Variants in TMX3 observed in about 807,000 individuals in gnomAD.
TMX3 encodes the protein protein disulfide-isomerase TMX3.
Under a neutral mutation model 64.4 loss-of-function variants are expected in TMX3, and 40 were observed. The observed-to-expected ratio is 0.62, with a 90% CI of 0.48 to 0.81. The LOEUF (loss-of-function observed/expected upper bound fraction) is 0.81, where lower values mean the gene tolerates loss of function less well. Among genes scored for constraint, TMX3 ranks in the 30% least tolerant of loss-of-function variants. TMX3 has a pLI of 0.00. For synonymous variants in TMX3, 189 were observed against 175.7 expected (o/e 1.08, Z -0.60); for missense variants, 497 against 534.5 (o/e 0.93, Z 0.69).
intron 8 of TMX3, among the ~76,000 whole-genome samples, chr18:68,696,776 CTTTAA>C (rs1915118350): frequency 1.3e-5 from 2 of 152,034 alleles, no homozygotes; most frequent in Admixed American, 1.3e-4. Context: ...TGCGCCTGGC[CTTTAA>C]TTTGTTTTTT....
Position 68,677,638 on chromosome 18 carries a change from T to TGG in TMX3, c.1105-446_1105-445insCC, listed in dbSNP as rs1472106541. Among the ~76,000 whole-genome samples the TGG allele has an allele frequency of 6.6e-5, 10 of 152,296 alleles. No homozygotes were observed. In the East Asian group the frequency reaches 9.7e-4, roughly 15 times the overall value. ...ACATGACATTTTTAATATTTTTTAC[T>TGG]TATCTGGTTAGTAGTAAAACTTCAT... On this transcript the variant is annotated intron_variant, in intron 15 of 15. Coordinates refer to ENST00000299608, the MANE Select transcript of TMX3 (RefSeq NM_019022.5).
chr18:68,714,860 C>T, intron 1 of TMX3, 76 bp downstream of exon 1: 2 of 1,540,464 alleles, frequency 1.3e-6, no homozygotes, highest in Non-Finnish European at 1.8e-6. Context: ...GCCCCAGACC[C>T]GGGTCCAATC....
chr18:68,679,539 A>C lies in TMX3; in HGVS notation c.1036-8T>G. The stretch of plus-strand genomic sequence containing the variant: ...GCTATCACCTCCTTGGGCCTTCAAA[A>C]AAGGAAAAGAAAAATAAATTATTTA... On this transcript the variant is annotated splice_polypyrimidine_tract_variant and splice_region_variant and intron_variant, in intron 14 of 15. Transcript: ENST00000299608. 1 of 1,606,914 alleles carries C rather than the reference A, an allele frequency of 6.2e-7. No individual in the cohort carries two copies.
At chr18:68,710,845 C>G (rs1414683407) in intron 3 of TMX3, among the ~76,000 whole-genome samples, 1 of 152,146 alleles carries the variant, frequency 6.6e-6, no homozygotes, top group African/African-American at 2.4e-5. Flanking sequence ...CTCTGCCATT[C>G]TTTTTCCATC....
intron 12 of TMX3, 116 bp downstream of exon 12, chr18:68,684,074 T>A: frequency 1.3e-6 from 1 of 785,334 alleles, no homozygotes; most frequent in East Asian, 2.5e-5. Flanking sequence ...TACTGTTATT[T>A]AACTTCATTT....
intron 4 of TMX3, among the ~76,000 whole-genome samples, chr18:68,702,892 A>G (rs1388898826): frequency 6.6e-6 from 1 of 152,330 alleles, no homozygotes; most frequent in East Asian, 1.9e-4. Context: ...TCTCCCTTAA[A>G]CATGGAGATA....
chr18:68,687,882 ATT>A (rs1382493589), intron 9 of TMX3, 117 bp from the exon 10 acceptor site: 4 of 655,564 alleles, frequency 6.1e-6, no homozygotes, highest in African/African-American at 3.8e-5. Flanking sequence ...TTCCATAAAT[ATT>A]GTTTTTAGGA....
At chr18:68,712,164 C>G (rs1355951379) in intron 2 of TMX3, among the ~76,000 whole-genome samples, 1 of 152,060 alleles carries the variant, frequency 6.6e-6, no homozygotes, top group Admixed American at 6.5e-5. Context: ...CAGTGTGGCC[C>G]AAGTCATTGG....
chr18:68,706,866 T>A, intron 4 of TMX3, among the ~76,000 whole-genome samples: 1 of 152,234 alleles, frequency 6.6e-6, no homozygotes, highest in East Asian at 1.9e-4. Flanking sequence ...AATACTTAAC[T>A]TCTTTAACAC....
intron 1 of TMX3, among the ~76,000 whole-genome samples, chr18:68,714,622 C>T (rs1429772809): frequency 6.6e-6 from 1 of 152,240 alleles, no homozygotes; most frequent in South Asian, 2.1e-4. Context: ...GGGACGGCGG[C>T]ATCCTTCTTG....
intron 13 of TMX3, chr18:68,681,605 AGAT>A (rs778765085): frequency 4.1e-6 from 4 of 985,450 alleles, no homozygotes; most frequent in Middle Eastern, 5.2e-4. Context: ...ATTTAGCTGA[AGAT>A]GATGAATGTT....
intron 15 of TMX3, 30 bp from the exon 16 acceptor site, chr18:68,677,223 C>T (rs765390970): frequency 1.3e-6 from 2 of 1,596,604 alleles, no homozygotes; most frequent in Non-Finnish European, 1.7e-6. Context: ...ACTCAGTTCC[C>T]TTCACATGTA....
Position 68,700,611 on chromosome 18 carries a change from G to T in TMX3, c.312-126C>A, listed in dbSNP as rs12959972. ...TAGTAAATGCAGAGAAGTTTTAGAAGTAGCTCTCATGTAAAATATGGTAGA... is the reference window on the plus strand; with the variant it reads ...TAGTAAATGCAGAGAAGTTTTAGAATTAGCTCTCATGTAAAATATGGTAGA... On this transcript the variant is annotated intron_variant, in intron 5 of 15. Transcript: ENST00000299608. The T allele has an allele frequency of 2.5e-3, 2,603 of 1,022,224 alleles. 28 individuals carry two copies. In the East Asian group the frequency reaches 0.03, roughly 12 times the overall value. The allele number at this position is 1,022,224 out of a possible 1,614,324, so 63.3% of individuals were successfully genotyped here. A position where few individuals can be genotyped will look rare whatever the true frequency, so the allele number is the denominator to read the frequency against.
chr18:68,708,113 G>A (rs1306529688), intron 4 of TMX3, among the ~76,000 whole-genome samples: 1 of 151,624 alleles, frequency 6.6e-6, no homozygotes, highest in Non-Finnish European at 1.5e-5. Context: ...ATGGAAACAA[G>A]AAATTACTTT....
At chr18:68,695,269 C>G (rs1048512488) in intron 8 of TMX3, among the ~76,000 whole-genome samples, 1 of 152,174 alleles carries the variant, frequency 6.6e-6, no homozygotes, top group South Asian at 2.1e-4. Flanking sequence ...TAAAACACTT[C>G]GTCTTGGCTT....
At chr18:68,687,956 T>C (rs945003842) in intron 9 of TMX3, 191 bp from the exon 10 acceptor site, 1 of 364,794 alleles carries the variant, frequency 2.7e-6, no homozygotes, top group Non-Finnish European at 4.9e-6. Context: ...ATCTTCATTA[T>C]AGCATCATTA....
At chr18:68,689,314 G>A (rs1267651235) in intron 9 of TMX3, among the ~76,000 whole-genome samples, 1 of 151,820 alleles carries the variant, frequency 6.6e-6, no homozygotes, top group East Asian at 1.9e-4. Flanking sequence ...ATAACAGGGG[G>A]ATGCTTTCCT....
At chr18:68,710,531 T>C in intron 3 of TMX3, among the ~76,000 whole-genome samples, 1 of 150,686 alleles carries the variant, frequency 6.6e-6, no homozygotes, top group East Asian at 1.9e-4. Flanking sequence ...ATCAATCTAC[T>C]TCTATTACAA....
chr18:68,713,954 C>G lies in TMX3; in HGVS notation c.47-54G>C. On this transcript the variant is annotated intron_variant, in intron 1 of 15. Coordinates refer to ENST00000299608, the MANE Select transcript of TMX3 (RefSeq NM_019022.5). ...TAAATGCTGATTATTTGGCTCATAC[C>G]GTATAAGCTTAGTCATCTCTGAAGT... The G allele has an allele frequency of 3.9e-6, 5 of 1,293,930 alleles. No homozygotes were observed. In the South Asian group the frequency reaches 6.8e-5, roughly 18 times the overall value. The allele number at this position is 1,293,930 out of a possible 1,614,324, so 80.2% of individuals were successfully genotyped here. A position where few individuals can be genotyped will look rare whatever the true frequency, so the allele number is the denominator to read the frequency against.
Sources: allele counts gnomAD v4.1 joint callset (sites outside exome capture counted in the v4.1 genomes callset), GRCh38; gene constraint gnomAD v4.1.1; transcripts MANE v1.5; gene names NCBI Gene and HGNC (gene_info 2026-07-23, HGNC 2026-07-21).